EBF1: variants seen among roughly 807,000 people sequenced by gnomAD.
EBF1 encodes transcription factor COE1.
EBF1 carries 10 observed loss-of-function variants against 68.4 expected under a neutral mutation model. That is an observed-to-expected ratio of 0.15 (90% confidence interval 0.09 to 0.25). The LOEUF (loss-of-function observed/expected upper bound fraction) is 0.25. Ranked by LOEUF, EBF1 falls within the 10% of genes least tolerant of loss-of-function variation. The pLI is 1.00. For synonymous variants in EBF1, 298 were observed against 299.8 expected, an observed-to-expected ratio of 0.99 and a Z score of 0.06; for missense variants, 509 against 794.4, an observed-to-expected ratio of 0.64 and a Z score of 4.32.
chr5:159,042,028 C>T (rs969989470), intron 6 of EBF1, among the ~76,000 whole-genome samples: 3 of 152,308 alleles, frequency 2.0e-5, no homozygotes, highest in South Asian at 2.1e-4. Context: ...AGTGCTTTGG[C>T]TGCAAAGCAT....
chr5:159,024,122 C>T (rs937379194), intron 6 of EBF1, among the ~76,000 whole-genome samples: 6 of 152,174 alleles, frequency 3.9e-5, no homozygotes, highest in African/African-American at 1.4e-4. Flanking sequence ...TTGGGCCACC[C>T]CAGATGCTGA....
At chr5:158,838,471 A>C (rs1183041539) in intron 7 of EBF1, among the ~76,000 whole-genome samples, 6 of 151,862 alleles carry the variant, frequency 4.0e-5, no homozygotes, top group Non-Finnish European at 8.8e-5. Flanking sequence ...ACGAAAGAAA[A>C]GAAAAAAAGA....
At chr5:159,089,592 T>G (rs1428216979) in intron 4 of EBF1, among the ~76,000 whole-genome samples, 1 of 152,188 alleles carries the variant, frequency 6.6e-6, no homozygotes. Context: ...TTTCTGTGTT[T>G]ACTTTTCTAA....
intron 4 of EBF1, among the ~76,000 whole-genome samples, chr5:159,092,611 T>C (rs1455809342): frequency 6.6e-6 from 1 of 152,362 alleles, no homozygotes; most frequent in Middle Eastern, 3.4e-3. Flanking sequence ...GAACAGTTTA[T>C]GGAAATGTAG....
chr5:158,749,796 G>C (rs978521635), intron 10 of EBF1, among the ~76,000 whole-genome samples: 5 of 152,092 alleles, frequency 3.3e-5, no homozygotes, highest in African/African-American at 1.2e-4. Flanking sequence ...AAGGGAGGCT[G>C]GACATACCTT....
At chr5:158,716,768 C>T (rs1015762743) in intron 11 of EBF1, among the ~76,000 whole-genome samples, 3 of 152,108 alleles carry the variant, frequency 2.0e-5, no homozygotes, top group Non-Finnish European at 4.4e-5. Flanking sequence ...AGCCCCCAGG[C>T]GTGTTTGTGT....
chr5:158,943,933 G>A (rs1814069404), intron 6 of EBF1, among the ~76,000 whole-genome samples: 1 of 152,128 alleles, frequency 6.6e-6, no homozygotes, highest in African/African-American at 2.4e-5. Flanking sequence ...TGCAGGGAAA[G>A]CTTTATCATC....
At chr5:159,067,358 G>A (rs557523896) in intron 6 of EBF1, among the ~76,000 whole-genome samples, 15 of 152,206 alleles carry the variant, frequency 9.9e-5, no homozygotes, top group Admixed American at 2.6e-4. Flanking sequence ...GCTGATACCC[G>A]GGCCATGCTA....
chr5:159,012,010 C>T (rs959715037), intron 6 of EBF1, among the ~76,000 whole-genome samples: 1 of 151,850 alleles, frequency 6.6e-6, no homozygotes, highest in Non-Finnish European at 1.5e-5. Flanking sequence ...GACATGTGGC[C>T]GGGTGCAGTG....
At chr5:159,082,666 G>A (rs1357342877) in intron 5 of EBF1, among the ~76,000 whole-genome samples, 1 of 152,196 alleles carries the variant, frequency 6.6e-6, no homozygotes, top group Non-Finnish European at 1.5e-5. Flanking sequence ...CCACACAATA[G>A]ATGACAGGTT....
chr5:158,980,786 T>A (rs1477447081), intron 6 of EBF1, among the ~76,000 whole-genome samples: 1 of 152,206 alleles, frequency 6.6e-6, no homozygotes, highest in African/African-American at 2.4e-5. Context: ...AGCAGGTGTT[T>A]GTGTGCTGGT....
At chr5:158,908,918 C>T (rs1045878917) in intron 6 of EBF1, among the ~76,000 whole-genome samples, 1 of 152,168 alleles carries the variant, frequency 6.6e-6, no homozygotes, top group African/African-American at 2.4e-5. Flanking sequence ...CAAGCTGCTC[C>T]GCTTGCCATG....
intron 6 of EBF1, among the ~76,000 whole-genome samples, chr5:159,031,585 G>A (rs1561840726): frequency 6.6e-6 from 1 of 152,194 alleles, no homozygotes; most frequent in Non-Finnish European, 1.5e-5. Flanking sequence ...AGGGGAGGAG[G>A]CAAAGTCTGT....
intron 10 of EBF1, among the ~76,000 whole-genome samples, chr5:158,753,231 G>A (rs1482072028): frequency 1.3e-5 from 2 of 152,014 alleles, no homozygotes; most frequent in African/African-American, 2.4e-5. Flanking sequence ...AGTAGAAGCC[G>A]ACAATCTTAA....
intron 2 of EBF1, 47 bp from the exon 3 acceptor site, chr5:159,096,453 T>A: frequency 6.3e-7 from 1 of 1,596,842 alleles, no homozygotes; most frequent in East Asian, 2.2e-5. Flanking sequence ...AGGAGAGAGG[T>A]CTGCGTGAGC....
intron 6 of EBF1, among the ~76,000 whole-genome samples, chr5:158,981,710 G>C (rs1033666195): frequency 2.0e-5 from 3 of 152,010 alleles, no homozygotes; most frequent in Non-Finnish European, 2.9e-5. Context: ...TATGTTGTTG[G>C]TTGTGCACAT....
chr5:158,806,910 T>G (rs1022767757), intron 8 of EBF1, among the ~76,000 whole-genome samples: 2 of 152,172 alleles, frequency 1.3e-5, no homozygotes, highest in Non-Finnish European at 2.9e-5. Context: ...CTGCTTTTGC[T>G]TTGCCCATTA....
chr5:158,973,597 T>C (rs924633022), intron 6 of EBF1, among the ~76,000 whole-genome samples: 1 of 152,170 alleles, frequency 6.6e-6, no homozygotes, highest in African/African-American at 2.4e-5. Context: ...ATTTTAAATT[T>C]AATGTCTGAG....
intron 6 of EBF1, among the ~76,000 whole-genome samples, chr5:158,885,538 G>T (rs1364134410): frequency 6.6e-6 from 1 of 152,150 alleles, no homozygotes; most frequent in Admixed American, 6.5e-5. Flanking sequence ...CATTGCAGGG[G>T]TATTACAAGG....
Sources: allele counts gnomAD v4.1 joint callset (sites outside exome capture counted in the v4.1 genomes callset), GRCh38; gene constraint gnomAD v4.1.1; transcripts MANE v1.5; gene names NCBI Gene and HGNC (gene_info 2026-07-23, HGNC 2026-07-21).